CBX1: variants seen among roughly 807,000 people sequenced by gnomAD.
CBX1 encodes the protein chromobox protein homolog 1.
Under a neutral mutation model 25.1 loss-of-function variants are expected in CBX1, and 10 were observed. The ratio of observed to expected loss-of-function variants is 0.40; its 90% CI spans 0.25 to 0.68. The LOEUF is 0.68. Ranked by LOEUF, CBX1 falls within the 30% of genes least tolerant of loss-of-function variation. The pLI is 0.40. For missense variants in CBX1, 106 were observed against 218.5 expected (o/e 0.49, Z 3.25); for synonymous variants, 63 against 79.4 (o/e 0.79, Z 1.10).
chr17:48,097,175 A>G lies in CBX1; in HGVS notation c.-38+4093T>C, dbSNP rs537029367. 2.0e-5 allele frequency among the ~76,000 whole-genome samples: 3 copies of G among 151,768 alleles called. No individual in the cohort carries two copies. In the East Asian group the frequency reaches 5.9e-4, roughly 30 times the overall value. On this transcript the variant is annotated intron_variant, in intron 1 of 4. Transcript: ENST00000225603. ...GGCCTGAGGCAGGAGAATCACTTGAACCGAGGAGGCGGAGGTTGCAGTAAG... is the reference window on the plus strand; with the variant it reads ...GGCCTGAGGCAGGAGAATCACTTGAGCCGAGGAGGCGGAGGTTGCAGTAAG...
rs141844999 is a variant in CBX1 at position 48,094,834 on chromosome 17, G to A, written c.-38+6434C>T. 8.3e-3 allele frequency among the ~76,000 whole-genome samples: 1,249 copies of A among 150,928 alleles called. 3 individuals carry two copies. The highest frequency in any genetic ancestry group is 0.014 in the Middle Eastern group (4 of 288). The stretch of plus-strand genomic sequence containing the variant: ...AGTCGAGGCGGGTGGATCACTTGAC[G>A]CCTGGAGTTCAAGACCAGCCTGGCC... On this transcript the variant is annotated intron_variant, in intron 1 of 4. Coordinates refer to ENST00000225603, the MANE Select transcript of CBX1 (RefSeq NM_001127228.2).
At chr17:48,096,729 G>T (rs2063377270) in intron 1 of CBX1, among the ~76,000 whole-genome samples, 1 of 151,772 alleles carries the variant, frequency 6.6e-6, no homozygotes, top group Non-Finnish European at 1.5e-5. Flanking sequence ...GAGCTGAGTG[G>T]AGTGCACCAC....
At chr17:48,098,445 G>A (rs1481859068) in intron 1 of CBX1, among the ~76,000 whole-genome samples, 1 of 152,156 alleles carries the variant, frequency 6.6e-6, no homozygotes, top group Non-Finnish European at 1.5e-5. Context: ...TCAACAATCT[G>A]AACGGCCTAC....
At chr17:48,078,111 A>G (rs1365057844) in intron 1 of CBX1, among the ~76,000 whole-genome samples, 2 of 152,086 alleles carry the variant, frequency 1.3e-5, no homozygotes, top group African/African-American at 4.8e-5. Flanking sequence ...AAATGTGCAC[A>G]TATCAATAAA....
chr17:48,100,032 G>C (rs2063398973), intron 1 of CBX1, among the ~76,000 whole-genome samples: 1 of 151,462 alleles, frequency 6.6e-6, no homozygotes. Context: ...CCAGCTAGTC[G>C]GGAGGCTGAG....
At chr17:48,078,585 G>A (rs2037699946) in intron 1 of CBX1, among the ~76,000 whole-genome samples, 1 of 151,838 alleles carries the variant, frequency 6.6e-6, no homozygotes, top group Non-Finnish European at 1.5e-5. Context: ...TGCCTCCCGG[G>A]TTCAAGCGAT....
rs544461461 is a variant in CBX1 at position 48,098,336 on chromosome 17, C to A, written c.-38+2932G>T. On this transcript the variant is annotated intron_variant, in intron 1 of 4. Coordinates refer to ENST00000225603, the MANE Select transcript of CBX1 (RefSeq NM_001127228.2). Reference sequence around the variant, plus strand: ...ATGGCAAAGCAACAGCTTAACTCTGCCAAATGTCACAGACACAGGACAAGC... The same window carrying A: ...ATGGCAAAGCAACAGCTTAACTCTGACAAATGTCACAGACACAGGACAAGC... Among the ~76,000 whole-genome samples the A allele has an allele frequency of 6.6e-5, 10 of 152,244 alleles. No homozygotes were observed. The East Asian group carries it at 1.9e-3, about 29-fold the overall frequency.
intron 1 of CBX1, among the ~76,000 whole-genome samples, chr17:48,077,256 CTT>C (rs57789313): frequency 1.7e-4 from 24 of 141,580 alleles, no homozygotes; most frequent in Non-Finnish European, 2.3e-4. Flanking sequence ...TTACAGCAAA[CTT>C]TTTTTTTTTT....
chr17:48,094,863 A>G (rs766554294), intron 1 of CBX1, among the ~76,000 whole-genome samples: 10 of 151,916 alleles, frequency 6.6e-5, no homozygotes, highest in Non-Finnish European at 1.5e-4. Context: ...CCTGGCCAAC[A>G]TGGTGACACC....
Position 48,074,897 on chromosome 17 carries a change from A to G in CBX1, c.413+109T>C, listed in dbSNP as rs1277107648. 1.2e-5 allele frequency: 10 copies of G among 822,850 alleles called. No individual in the cohort carries two copies. The African/African-American group carries it at 1.7e-4, about 14-fold the overall frequency. 51.0% of individuals were successfully genotyped at this position (822,850 alleles called of 1,614,324 possible). On this transcript the variant is annotated intron_variant, in intron 4 of 4. Transcript: ENST00000225603. ...TATCGAAGGACTATGCCATCTTAAC[A>G]ATTTCACACTTGGGTGATTGGAATT...
At chr17:48,093,983 G>A (rs952527170) in intron 1 of CBX1, among the ~76,000 whole-genome samples, 1 of 151,518 alleles carries the variant, frequency 6.6e-6, no homozygotes, top group Non-Finnish European at 1.5e-5. Context: ...GTGTGGTGGC[G>A]CATGCCTGTA....
chr17:48,082,378 T>C (rs2037747154), intron 1 of CBX1, among the ~76,000 whole-genome samples: 1 of 151,190 alleles, frequency 6.6e-6, no homozygotes, highest in African/African-American at 2.4e-5. Flanking sequence ...GGCGGGCACC[T>C]GTAATCCCAG....
chr17:48,072,782 C>CAA lies in CBX1; in HGVS notation c.414-1205_414-1204dup, dbSNP rs35841265. Among the ~76,000 whole-genome samples the CAA allele has an allele frequency of 2.3e-4, 32 of 141,202 alleles. 1 individual carries two copies. The highest frequency in any genetic ancestry group is 3.7e-3 in the Middle Eastern group (1 of 272). The allele number at this position is 141,202 out of a possible 152,430, so 92.6% of individuals were successfully genotyped here. A position where few individuals can be genotyped will look rare whatever the true frequency, so the allele number is the denominator to read the frequency against. On this transcript the variant is annotated intron_variant, in intron 4 of 4. Coordinates refer to ENST00000225603, the MANE Select transcript of CBX1 (RefSeq NM_001127228.2). ...TGGGCGACAGAGTGAGACTCTGTCT[C>CAA]AAAAAAAAAAAGTTTTCAAAATTTG...
At position 48,101,313 on chromosome 17, in the gene CBX1, C is replaced by T; in HGVS notation, c.-83G>A. ...CCCGAGAGGAATCGGTGCTGCGCTGCTGGCGCGTCGCGTCGGGTCGCCTGG... is the reference window on the plus strand; with the variant it reads ...CCCGAGAGGAATCGGTGCTGCGCTGTTGGCGCGTCGCGTCGGGTCGCCTGG... On this transcript the variant is annotated 5_prime_UTR_variant, in exon 1 of 5. Transcript: ENST00000225603. The T allele has an allele frequency of 1.0e-6, 1 of 986,366 alleles. No individual in the cohort carries two copies. The allele number at this position is 986,366 out of a possible 1,614,324, so 61.1% of individuals were successfully genotyped here. A position where few individuals can be genotyped will look rare whatever the true frequency, so the allele number is the denominator to read the frequency against.
At chr17:48,072,731 C>T (rs977333060) in intron 4 of CBX1, among the ~76,000 whole-genome samples, 4 of 151,048 alleles carry the variant, frequency 2.6e-5, no homozygotes, top group Non-Finnish European at 4.4e-5. Context: ...TGCAGTGAGC[C>T]GAGATCATGC....
chr17:48,082,545 T>G (rs1324775585), intron 1 of CBX1, among the ~76,000 whole-genome samples: 1 of 146,998 alleles, frequency 6.8e-6, no homozygotes, highest in African/African-American at 2.7e-5. Context: ...ATCTATAATT[T>G]TATTTATTTT....
intron 1 of CBX1, among the ~76,000 whole-genome samples, chr17:48,098,112 A>G (rs2063385525): frequency 6.6e-6 from 1 of 152,084 alleles, no homozygotes; most frequent in African/African-American, 2.4e-5. Context: ...GAAGCCATGC[A>G]TGGTGGCATG....
At chr17:48,094,001 C>G (rs2063358485) in intron 1 of CBX1, among the ~76,000 whole-genome samples, 1 of 149,810 alleles carries the variant, frequency 6.7e-6, no homozygotes, top group African/African-American at 2.5e-5. Context: ...GTAATCCCAG[C>G]TACTCCAGAG....
rs574912011 is a variant in CBX1, at chr17:48,079,218, G to A, written c.-37-2177C>T. 2.2e-4 allele frequency among the ~76,000 whole-genome samples: 33 copies of A among 152,164 alleles called. 1 individual carries two copies. The highest frequency in any genetic ancestry group is 7.7e-4 in the African/African-American group (32 of 41,494). On this transcript the variant is annotated intron_variant, in intron 1 of 4. Coordinates refer to ENST00000225603, the MANE Select transcript of CBX1 (RefSeq NM_001127228.2). Reference sequence around the variant, plus strand: ...CCACCTGGGTTCAAGTGATTCTTTTGCCTCAGCCTCCTGAGTAGCTGGGAC... The same window carrying A: ...CCACCTGGGTTCAAGTGATTCTTTTACCTCAGCCTCCTGAGTAGCTGGGAC...
Sources: gnomAD v4.1 joint callset for allele counts (sites outside exome capture counted in the v4.1 genomes callset) on GRCh38, gnomAD v4.1.1 for gene constraint, MANE v1.5 for transcripts, NCBI Gene and HGNC (gene_info 2026-07-23, HGNC 2026-07-21) for gene names.